Variants in TACR1 observed in about 807,000 individuals in gnomAD.
TACR1 encodes substance-P receptor.
Under a neutral mutation model 35.8 loss-of-function variants are expected in TACR1, and 25 were observed. The ratio of observed to expected loss-of-function variants is 0.70; its 90% CI spans 0.51 to 0.98. The LOEUF (loss-of-function observed/expected upper bound fraction) is 0.98. Among genes scored for constraint, TACR1 ranks in the 50% least tolerant of loss-of-function variants. The pLI, the probability that TACR1 is intolerant of heterozygous loss-of-function variation, is 0.00. For missense variants in TACR1, 478 were observed against 522.9 expected, an observed-to-expected ratio of 0.91 and a Z score of 0.84; for synonymous variants, 195 against 206.7, an observed-to-expected ratio of 0.94 and a Z score of 0.48.
chr2:75,155,897 A>C (rs1328077752), intron 1 of TACR1, among the ~76,000 whole-genome samples: 1 of 152,270 alleles, frequency 6.6e-6, no homozygotes, highest in Non-Finnish European at 1.5e-5. Flanking sequence ...TATGGCCCAT[A>C]GGCCAAAGCT....
At chr2:75,123,241 C>T (rs894053054) in intron 1 of TACR1, among the ~76,000 whole-genome samples, 3 of 147,292 alleles carry the variant, frequency 2.0e-5, no homozygotes, top group Non-Finnish European at 4.5e-5. Flanking sequence ...TCTCAGGCTT[C>T]ACAGGAACTT....
chr2:75,140,745 C>T (rs1674384608), intron 1 of TACR1, among the ~76,000 whole-genome samples: 1 of 152,164 alleles, frequency 6.6e-6, no homozygotes, highest in Non-Finnish European at 1.5e-5. Context: ...AGGAAAAGGA[C>T]CAGGTTGTGT....
At chr2:75,146,552 A>G (rs1257462720) in intron 1 of TACR1, among the ~76,000 whole-genome samples, 2 of 152,210 alleles carry the variant, frequency 1.3e-5, no homozygotes, top group Admixed American at 6.5e-5. Flanking sequence ...CTAGGAGATT[A>G]CTGGTCACAA....
intron 1 of TACR1, among the ~76,000 whole-genome samples, chr2:75,144,766 A>T (rs575573354): frequency 6.6e-6 from 1 of 152,240 alleles, no homozygotes; most frequent in African/African-American, 2.4e-5. Flanking sequence ...AATTTATCTT[A>T]TAAATTTGTG....
intron 2 of TACR1, among the ~76,000 whole-genome samples, chr2:75,112,308 A>G (rs1042403066): frequency 6.6e-6 from 1 of 152,054 alleles, no homozygotes; most frequent in African/African-American, 2.4e-5. Flanking sequence ...TGATATAAAA[A>G]TTAATTCTTG....
At chr2:75,159,966 C>T (rs1402842964) in intron 1 of TACR1, among the ~76,000 whole-genome samples, 1 of 152,168 alleles carries the variant, frequency 6.6e-6, no homozygotes, top group Non-Finnish European at 1.5e-5. Context: ...ATCAATACCA[C>T]TCATGAAAAG....
At chr2:75,149,705 T>C (rs1674631504) in intron 1 of TACR1, among the ~76,000 whole-genome samples, 1 of 152,192 alleles carries the variant, frequency 6.6e-6, no homozygotes, top group African/African-American at 2.4e-5. Context: ...TTTGACTTCC[T>C]CTTTTCCTGC....
In TACR1 at chr2:75,047,000, T is replaced by C. The variant is rs3732303; in HGVS notation, c.*2432A>G. The C allele has an allele frequency of 0.72, 108,998 of 152,130 alleles. 39,277 individuals carry two copies. Among genetic ancestry groups the C allele is most frequent in the Middle Eastern group, 0.85 (250 of 294 alleles). The allele number at this position is 152,130 out of a possible 1,614,324, so 9.4% of individuals were successfully genotyped here. A position where few individuals can be genotyped will look rare whatever the true frequency, so the allele number is the denominator to read the frequency against. On this transcript the variant is annotated 3_prime_UTR_variant, in exon 5 of 5. Coordinates refer to ENST00000305249, the MANE Select transcript of TACR1 (RefSeq NM_001058.4). Reference sequence around the variant, plus strand: ...GCACAGTACAAATCATGGTGTTTCTTACATGTGGGAGTTGATGACATTTTT... The same window carrying C: ...GCACAGTACAAATCATGGTGTTTCTCACATGTGGGAGTTGATGACATTTTT...
At chr2:75,119,971 A>G (rs1333922153) in intron 2 of TACR1, among the ~76,000 whole-genome samples, 1 of 152,224 alleles carries the variant, frequency 6.6e-6, no homozygotes, top group Admixed American at 6.5e-5. Flanking sequence ...CCCACAAGGA[A>G]AGCTCGGACG....
chr2:75,131,041 A>T (rs534221084), intron 1 of TACR1, among the ~76,000 whole-genome samples: 107 of 152,206 alleles, frequency 7.0e-4, no homozygotes, highest in Non-Finnish European at 1.2e-3. Flanking sequence ...TATCAGTGTC[A>T]TCAGAGTTTT....
chr2:75,197,273 C>A lies in TACR1; in HGVS notation c.389+1273G>T, dbSNP rs965307065. 2.6e-5 allele frequency among the ~76,000 whole-genome samples: 4 copies of A among 152,222 alleles called. No individual in the cohort carries two copies. The South Asian group carries it at 6.2e-4, about 24-fold the overall frequency. On this transcript the variant is annotated intron_variant, in intron 1 of 4. Coordinates refer to ENST00000305249, the MANE Select transcript of TACR1 (RefSeq NM_001058.4). ...TGCAAAGGATGGAAATGAAGATTTC[C>A]CTGATTTTAAAAGTGTTCATTGACT...
chr2:75,054,705 T>G (rs995529037), intron 2 of TACR1, among the ~76,000 whole-genome samples: 7 of 152,176 alleles, frequency 4.6e-5, no homozygotes, highest in African/African-American at 1.4e-4. Flanking sequence ...GTTACAGCCC[T>G]TTTCTTAGAT....
rs544752622 is a variant in TACR1, at chr2:75,106,292, A to G, written c.584+14282T>C. On this transcript the variant is annotated intron_variant, in intron 2 of 4. Transcript: ENST00000305249. ...AGGGGCATTGTTTTGCATTTTTGCA[A>G]ATCCCTTTAATAGCTAGGTTGATAG... is the stretch of plus-strand genomic sequence containing the variant. Among the ~76,000 whole-genome samples the G allele has an allele frequency of 3.9e-5, 6 of 152,180 alleles. No individual in the cohort carries two copies. In the East Asian group the frequency reaches 1.2e-3, roughly 29 times the overall value.
At chr2:75,079,364 T>C (rs1673036707) in intron 2 of TACR1, among the ~76,000 whole-genome samples, 1 of 152,200 alleles carries the variant, frequency 6.6e-6, no homozygotes, top group Non-Finnish European at 1.5e-5. Flanking sequence ...CCAACCCATC[T>C]TCCCCATTCG....
rs1421078762 is a variant in TACR1, at chr2:75,047,840, A to G, written c.*1592T>C. On this transcript the variant is annotated 3_prime_UTR_variant, in exon 5 of 5. Coordinates refer to ENST00000305249, the MANE Select transcript of TACR1 (RefSeq NM_001058.4). ...GGCTGGCAAAGGCTGTAAACCATGC[A>G]TTATTCTCCCCTTAATGTTATGGAT... 2 of 152,350 alleles carry G rather than the reference A, an allele frequency of 1.3e-5. No homozygotes were observed. Among genetic ancestry groups the G allele is most frequent in the South Asian group, 4.1e-4 (2 of 4,826 alleles). The allele number at this position is 152,350 out of a possible 1,614,324, so 9.4% of individuals were successfully genotyped here. A position where few individuals can be genotyped will look rare whatever the true frequency, so the allele number is the denominator to read the frequency against.
intron 1 of TACR1, among the ~76,000 whole-genome samples, chr2:75,197,284 A>T (rs1217463995): frequency 1.3e-5 from 2 of 152,342 alleles, no homozygotes; most frequent in African/African-American, 4.8e-5. Flanking sequence ...CTGATTTTAA[A>T]AGTGTTCATT....
intron 2 of TACR1, among the ~76,000 whole-genome samples, chr2:75,109,445 A>G (rs1479698383): frequency 1.3e-5 from 2 of 152,188 alleles, no homozygotes; most frequent in Non-Finnish European, 2.9e-5. Flanking sequence ...AACTCTCCAT[A>G]CCGGACTACA....
chr2:75,136,345 T>A (rs1216581389), intron 1 of TACR1, among the ~76,000 whole-genome samples: 1 of 152,202 alleles, frequency 6.6e-6, no homozygotes, highest in Non-Finnish European at 1.5e-5. Context: ...TGCTTATTAG[T>A]GCAGTGTATT....
chr2:75,091,514 A>G (rs1673312663), intron 2 of TACR1, among the ~76,000 whole-genome samples: 1 of 152,144 alleles, frequency 6.6e-6, no homozygotes, highest in African/African-American at 2.4e-5. Flanking sequence ...TATAATACCC[A>G]TTTTAAAGAT....
Sources: allele counts gnomAD v4.1 joint callset (sites outside exome capture counted in the v4.1 genomes callset), GRCh38; gene constraint gnomAD v4.1.1; transcripts MANE v1.5; gene names NCBI Gene and HGNC (gene_info 2026-07-23, HGNC 2026-07-21).